Variants in MTHFD1 observed in about 807,000 individuals in gnomAD.
The protein encoded by MTHFD1 is C-1-tetrahydrofolate synthase, cytoplasmic.
MTHFD1 carries 44 observed loss-of-function variants against 110.3 expected under a neutral mutation model. The ratio of observed to expected loss-of-function variants is 0.40; its 90% CI spans 0.31 to 0.51. The LOEUF (loss-of-function observed/expected upper bound fraction) is 0.51. Ranked by LOEUF, MTHFD1 falls within the 20% of genes least tolerant of loss-of-function variation. The probability of loss-of-function intolerance (pLI) is 0.60; values close to 1 mark genes in which losing one functional copy is unlikely to be tolerated. For missense variants in MTHFD1, 909 were observed against 1,173.1 expected, an observed-to-expected ratio of 0.77 and a Z score of 3.29; for synonymous variants, 402 against 428.8, an observed-to-expected ratio of 0.94 and a Z score of 0.77.
In MTHFD1 at chr14:64,401,558, C is replaced by T. The variant is rs922369198; in HGVS notation, c.126+681C>T. On this transcript the variant is annotated intron_variant, in intron 2 of 27. Transcript: ENST00000652337. ...TCTTTATTAAAAACACAAAAATTAG[C>T]TGGGCGTGGTGGTGGGCGCCTGTAA... Among the ~76,000 whole-genome samples the T allele has an allele frequency of 2.0e-5, 3 of 151,976 alleles. 1 individual carries two copies. The highest frequency in any genetic ancestry group is 7.3e-5 in the African/African-American group (3 of 41,370).
intron 21 of MTHFD1, among the ~76,000 whole-genome samples, chr14:64,444,400 G>A (rs750239238): frequency 2.6e-5 from 4 of 151,806 alleles, no homozygotes; most frequent in African/African-American, 9.7e-5. Context: ...GCCTTCACTC[G>A]AGTCACTGCA....
rs745531146 is a variant in MTHFD1, at chr14:64,454,813, C to G, written c.2656C>G (p.Leu886Val). 5.0e-6 allele frequency: 8 copies of G among 1,614,216 alleles called. No individual in the cohort carries two copies. The highest frequency in any genetic ancestry group is 6.8e-6 in the Non-Finnish European group (8 of 1,180,024). ...EQKGVPTGFI[L>V]PIRDIRASVG... ...AAAAGGTGTCCCTACAGGCTTCATT[C>G]TGCCCATTCGCGACATCCGCGCCAG... The change falls in exon 26 of 28, where the codon CTG (leucine) becomes GTG (valine). Residue 886 changes from leucine (L) to valine (V), a missense_variant. Leu to Val is a conservative substitution (Grantham distance 32). This residue lies in a region of MTHFD1 where 482 missense variants were observed against 646.0 expected (regional missense o/e 0.75). Coordinates refer to ENST00000652337, the MANE Select transcript of MTHFD1 (RefSeq NM_005956.4).
At chr14:64,433,891 A>G (rs111524790) in intron 15 of MTHFD1, among the ~76,000 whole-genome samples, 9,378 of 151,758 alleles carry the variant, frequency 0.062, 511 homozygotes, top group African/African-American at 0.16. Context: ...TTAGCTGGGC[A>G]TGGTGGTGCA....
intron 18 of MTHFD1, 22 bp downstream of exon 18, chr14:64,440,288 G>T: frequency 6.2e-7 from 1 of 1,614,082 alleles, no homozygotes; most frequent in Non-Finnish European, 8.5e-7. Context: ...GACACGCCAG[G>T]CTTGGCGACA....
intron 12 of MTHFD1, 24 bp downstream of exon 12, chr14:64,427,497 G>A (rs1214984662): frequency 6.2e-7 from 1 of 1,613,520 alleles, no homozygotes; most frequent in East Asian, 2.2e-5. Context: ...TGGACCATGG[G>A]TGGTGACAGG....
At chr14:64,395,206 A>C (rs2077837641) in intron 1 of MTHFD1, among the ~76,000 whole-genome samples, 1 of 152,238 alleles carries the variant, frequency 6.6e-6, no homozygotes, top group Non-Finnish European at 1.5e-5. Context: ...TAGAGGCCAA[A>C]TGTTTTTTGT....
intron 13 of MTHFD1, 90 bp from the exon 14 acceptor site, chr14:64,431,442 T>A: frequency 2.6e-6 from 3 of 1,144,750 alleles, no homozygotes; most frequent in Non-Finnish European, 2.6e-6. Flanking sequence ...TTCCATTGGC[T>A]TTAAAATAGG....
At chr14:64,448,815 T>TTG (rs397738190) in intron 23 of MTHFD1, among the ~76,000 whole-genome samples, 6 of 151,360 alleles carry the variant, frequency 4.0e-5, no homozygotes, top group African/African-American at 1.5e-4. Context: ...TTTTTTTTTT[T>TTG]GGGGGACGAA....
In MTHFD1 at chr14:64,400,860, C is replaced by T. The variant is rs111509453; in HGVS notation, c.109C>T (p.Arg37Cys). The T allele has an allele frequency of 3.5e-5, 56 of 1,610,458 alleles. No individual in the cohort carries two copies. Among genetic ancestry groups the T allele is most frequent in the Middle Eastern group, 1.6e-4 (1 of 6,072 alleles). Residue 37 changes from arginine to cysteine, a missense_variant, in exon 2 of 28, where the codon CGC (arginine) becomes TGC (cysteine). This residue lies in a region of MTHFD1 where 424 missense variants were observed against 510.4 expected (regional missense o/e 0.83). Transcript: ENST00000652337. ...GGAGCAAGTACCTGGTTTCACACCA[C>T]GCCTGGCAATATTACAGGTATTATG... ...LKEQVPGFTPRLAILQVGNRD... is the reference protein window; with the variant it reads ...LKEQVPGFTPCLAILQVGNRD...
At chr14:64,408,172 A>G (rs1466827069) in intron 2 of MTHFD1, among the ~76,000 whole-genome samples, 2 of 151,986 alleles carry the variant, frequency 1.3e-5, no homozygotes, top group African/African-American at 4.8e-5. Flanking sequence ...CTGCCCCTCT[A>G]CAGAAAGTTT....
At position 64,415,449 on chromosome 14, in the gene MTHFD1, C is replaced by G; in HGVS notation, c.332C>G (p.Thr111Ser). The G allele has an allele frequency of 6.2e-7, 1 of 1,614,042 alleles. No homozygotes were observed. The highest frequency in any genetic ancestry group is 8.5e-7 in the Non-Finnish European group (1 of 1,179,922). The change falls in exon 5 of 28, where the codon ACT becomes AGT. Residue 111 changes from threonine to serine, a missense_variant. Physicochemically the swap from Thr to Ser is moderately conservative, Grantham distance 58. Coordinates refer to ENST00000652337, the MANE Select transcript of MTHFD1 (RefSeq NM_005956.4). ...LPLDSENSIN[T>S]EEVINAIAPE... is the part of the protein sequence containing the mutation. ...TTAGATTCAGAGAATTCCATTAACA[C>G]TGAAGAAGTGATCAATGCTATTGCA...
intron 18 of MTHFD1, 38 bp downstream of exon 18, chr14:64,440,304 G>C (rs765780763): frequency 1.2e-6 from 2 of 1,613,788 alleles, no homozygotes; most frequent in Non-Finnish European, 1.7e-6. Context: ...CGACATATCT[G>C]TGTCTGTTGT....
At chr14:64,416,974 GA>G (rs150373495) in intron 6 of MTHFD1, among the ~76,000 whole-genome samples, 2 of 151,872 alleles carry the variant, frequency 1.3e-5, no homozygotes, top group South Asian at 2.1e-4. Flanking sequence ...ATCTTTTTCT[GA>G]AAAAAAATGA....
intron 16 of MTHFD1, among the ~76,000 whole-genome samples, chr14:64,437,224 A>G (rs781123645): frequency 2.0e-5 from 3 of 152,158 alleles, no homozygotes; most frequent in Non-Finnish European, 4.4e-5. Context: ...AAAACCCACA[A>G]AATATATAGG....
rs758847427 is a variant in MTHFD1 at position 64,426,179 on chromosome 14, G to T, written c.1114G>T (p.Val372Leu). Reference protein sequence around the residue: ...RLKHRPDGKYVVVTGITPTPL... With the variant: ...RLKHRPDGKYLVVTGITPTPL... ...GAAGCACCGGCCTGATGGGAAATAC[G>T]TGGTGGTGACTGGGTATGCTTTTTA... The change falls in exon 11 of 28, where the codon GTG becomes TTG. Residue 372 changes from valine to leucine, a missense_variant. Val to Leu is a conservative substitution (Grantham distance 32). This residue lies in a region of MTHFD1 where 424 missense variants were observed against 510.4 expected (regional missense o/e 0.83). Coordinates refer to ENST00000652337, the MANE Select transcript of MTHFD1 (RefSeq NM_005956.4). The T allele has an allele frequency of 3.1e-6, 5 of 1,614,124 alleles. No homozygotes were observed. The highest frequency in any genetic ancestry group is 2.2e-5 in the South Asian group (2 of 91,080).
chr14:64,431,676 T>C (rs750584991), intron 14 of MTHFD1, 37 bp downstream of exon 14: 1 of 1,607,064 alleles, frequency 6.2e-7, no homozygotes, highest in Admixed American at 1.7e-5. Flanking sequence ...CATTGAACAG[T>C]TTTGAAAGTA....
chr14:64,420,739 C>T (rs758536349), intron 8 of MTHFD1, among the ~76,000 whole-genome samples: 2 of 152,282 alleles, frequency 1.3e-5, no homozygotes, highest in Non-Finnish European at 2.9e-5. Context: ...TTCTTACTTG[C>T]CAGACTCCTT....
In MTHFD1 at chr14:64,427,347, A is replaced by G. The variant is rs1290497026; in HGVS notation, c.1138A>G (p.Thr380Ala). 2 of 1,614,034 alleles carry G rather than the reference A, an allele frequency of 1.2e-6. No homozygotes were observed. Among genetic ancestry groups the G allele is most frequent in the Non-Finnish European group, 1.7e-6 (2 of 1,180,024 alleles). ...GCTTTCGTCTTGAAGAATAACTCCA[A>G]CACCCCTGGGAGAAGGGAAAAGCAC... ...KYVVVTGITP[T>A]PLGEGKSTTT... Residue 380 changes from threonine to alanine, a missense_variant, in exon 12 of 28, where the codon ACA becomes GCA. Transcript: ENST00000652337.
At chr14:64,428,893 C>G (rs752421494) in intron 12 of MTHFD1, among the ~76,000 whole-genome samples, 4 of 152,090 alleles carry the variant, frequency 2.6e-5, no homozygotes, top group Non-Finnish European at 5.9e-5. Flanking sequence ...CTTTGTTCTG[C>G]TCTTGAGCTT....
Sources: allele counts gnomAD v4.1 joint callset (sites outside exome capture counted in the v4.1 genomes callset), GRCh38; gene constraint gnomAD v4.1.1; regional missense constraint gnomAD v4.1.1; transcripts MANE v1.5; gene names NCBI Gene and HGNC (gene_info 2026-07-23, HGNC 2026-07-21).